The following SHANK2 variants were observed in gnomAD, a reference collection of about 807,000 sequenced individuals.
SHANK2 encodes SH3 and multiple ankyrin repeat domains protein 2.
A neutral mutation model predicts 133.7 loss-of-function variants in SHANK2; 43 were observed. The ratio of observed to expected loss-of-function variants is 0.32; its 90% CI spans 0.25 to 0.41. The LOEUF (loss-of-function observed/expected upper bound fraction) is 0.41, where lower values mean the gene tolerates loss of function less well. SHANK2 is among the 10% of genes least tolerant of loss of function. The pLI, the probability that SHANK2 is intolerant of heterozygous loss-of-function variation, is 1.00. For missense variants in SHANK2, 1,994 were observed against 2,235.8 expected (o/e 0.89, Z 2.18); for synonymous variants, 1,017 against 952.8 (o/e 1.07, Z -1.24).
chr11:70,730,927 G>A (rs1946277805), intron 14 of SHANK2, among the ~76,000 whole-genome samples: 1 of 145,740 alleles, frequency 6.9e-6, no homozygotes, highest in South Asian at 2.1e-4. Flanking sequence ...CCACAATGCT[G>A]TGCAACCAGC....
Position 71,167,882 on chromosome 11 carries a change from G to A in SHANK2, c.-12-20544C>T, listed in dbSNP as rs566898251. ...CCAGTAGGGGCGGCCGGGCAGAGGCGCCCCTCACCTCCCGGACAGGGCGGC... is the reference window on the plus strand; with the variant it reads ...CCAGTAGGGGCGGCCGGGCAGAGGCACCCCTCACCTCCCGGACAGGGCGGC... On this transcript the variant is annotated intron_variant, in intron 2 of 25. Transcript: ENST00000601538. Among the ~76,000 whole-genome samples, 221 of 146,912 alleles carry A rather than the reference G, an allele frequency of 1.5e-3. 1 individual carries two copies. The highest frequency in any genetic ancestry group is 3.5e-3 in the Middle Eastern group (1 of 282).
Position 70,943,032 on chromosome 11 carries a change from C to T in SHANK2, c.1108-46465G>A, listed in dbSNP as rs367616090. The stretch of plus-strand genomic sequence containing the variant: ...AATACAATACAGAAAAGGTACCCAG[C>T]AAGTACTGTGGGAATCAAAATAAAA... On this transcript the variant is annotated intron_variant, in intron 10 of 25. Coordinates refer to ENST00000601538, the MANE Select transcript of SHANK2 (RefSeq NM_012309.5). 161 of 456,208 alleles carry T rather than the reference C, an allele frequency of 3.5e-4. 1 individual carries two copies. In the East Asian group the frequency reaches 3.7e-3, roughly 10 times the overall value. 28.3% of individuals were successfully genotyped at this position (456,208 alleles called of 1,614,324 possible). A position where few individuals can be genotyped will look rare whatever the true frequency, so the allele number is the denominator to read the frequency against.
chr11:70,537,846 T>C (rs1331067237), intron 17 of SHANK2, among the ~76,000 whole-genome samples: 1 of 152,096 alleles, frequency 6.6e-6, no homozygotes, highest in Non-Finnish European at 1.5e-5. Context: ...GTAGCCGACG[T>C]CAACCCTGCA....
chr11:70,902,177 T>C lies in SHANK2; in HGVS notation c.1108-5610A>G, dbSNP rs577796553. On this transcript the variant is annotated intron_variant, in intron 10 of 25. Coordinates refer to ENST00000601538, the MANE Select transcript of SHANK2 (RefSeq NM_012309.5). Reference sequence around the variant, plus strand: ...CAGGCGGCCACCCGGGCAGTGTCACTGCACCACACTGGGCATTTGTATGAG... The same window carrying C: ...CAGGCGGCCACCCGGGCAGTGTCACCGCACCACACTGGGCATTTGTATGAG... 2.8e-3 allele frequency among the ~76,000 whole-genome samples: 430 copies of C among 152,352 alleles called. 3 individuals carry two copies. The highest frequency in any genetic ancestry group is 0.01 in the African/African-American group (421 of 41,584).
intron 14 of SHANK2, among the ~76,000 whole-genome samples, chr11:70,782,879 T>C (rs1219024971): frequency 6.6e-6 from 1 of 152,186 alleles, no homozygotes; most frequent in Non-Finnish European, 1.5e-5. Context: ...AGTAGTGAGC[T>C]GGTGACACGT....
At chr11:70,746,816 T>TG (rs11401892) in intron 14 of SHANK2, among the ~76,000 whole-genome samples, 146,877 of 151,930 alleles carry the variant, frequency 0.97, 71,026 homozygotes, top group East Asian at 1. Flanking sequence ...GCCCCCACAC[T>TG]GGGGGAGGGC....
chr11:70,840,373 G>A (rs1035491746), intron 11 of SHANK2, among the ~76,000 whole-genome samples: 12 of 152,220 alleles, frequency 7.9e-5, no homozygotes, highest in African/African-American at 2.9e-4. Context: ...CTGGCTGGGA[G>A]TCCCAGCTCC....
intron 3 of SHANK2, among the ~76,000 whole-genome samples, chr11:71,125,355 G>A (rs1449124210): frequency 6.6e-6 from 1 of 152,194 alleles, no homozygotes; most frequent in African/African-American, 2.4e-5. Context: ...AAATGTTCCT[G>A]AAGGAAATTA....
chr11:70,914,134 T>C (rs1950235103), intron 10 of SHANK2, among the ~76,000 whole-genome samples: 1 of 152,160 alleles, frequency 6.6e-6, no homozygotes, highest in Non-Finnish European at 1.5e-5. Flanking sequence ...ACACTGCCAC[T>C]GCAGCATCTT....
intron 14 of SHANK2, among the ~76,000 whole-genome samples, chr11:70,774,326 G>T (rs946306684): frequency 1.4e-5 from 2 of 145,424 alleles, no homozygotes; most frequent in Admixed American, 6.9e-5. Flanking sequence ...AGTGACTTTT[G>T]TTTTTTTTTT....
At chr11:70,501,898 T>G (rs1336982918) in intron 20 of SHANK2, 25 bp downstream of exon 20, 1 of 1,558,750 alleles carries the variant, frequency 6.4e-7, no homozygotes, top group Admixed American at 1.9e-5. Flanking sequence ...GGGAGCTGCT[T>G]TGGGGACCCA....
intron 10 of SHANK2, among the ~76,000 whole-genome samples, chr11:70,914,456 C>T (rs1950239646): frequency 6.6e-6 from 1 of 151,852 alleles, no homozygotes; most frequent in African/African-American, 2.4e-5. Flanking sequence ...AGCTTAAAAA[C>T]CCAGCCTCGC....
At position 71,119,004 on chromosome 11, in the gene SHANK2, G is replaced by A; in HGVS notation, c.236C>T (p.Thr79Ile). 1.3e-6 allele frequency: 2 copies of A among 1,551,690 alleles called. No individual in the cohort carries two copies. Among genetic ancestry groups the A allele is most frequent in the Admixed American group, 2.0e-5 (1 of 51,004 alleles). The change falls in exon 4 of 26, where the codon ACA (threonine) becomes ATA (isoleucine). Residue 79 changes from threonine to isoleucine, a missense_variant. Around this residue, in one of 5 missense-constraint regions of SHANK2, gnomAD observed 653 missense variants for 563.4 expected, o/e 1.16. Coordinates refer to ENST00000601538, the MANE Select transcript of SHANK2 (RefSeq NM_012309.5). ...TKCIRFNPDA[T>I]VWVAKQRILC... ...GATCCGCTGCTTTGCAACCCACACT[G>A]TGGCATCCGGGTTAAATCGAATGCA...
chr11:70,533,619 TG>T (rs1338429866), intron 17 of SHANK2, among the ~76,000 whole-genome samples: 1 of 152,172 alleles, frequency 6.6e-6, no homozygotes, highest in Non-Finnish European at 1.5e-5. Flanking sequence ...ATCAGCTTTT[TG>T]GGGGACATGC....
At chr11:70,905,840 T>G (rs1427597243) in intron 10 of SHANK2, among the ~76,000 whole-genome samples, 3 of 151,184 alleles carry the variant, frequency 2.0e-5, no homozygotes, top group Admixed American at 1.3e-4. Flanking sequence ...AGACGGAGTT[T>G]CGCTCTTGTC....
intron 1 of SHANK2, among the ~76,000 whole-genome samples, chr11:71,245,641 G>A (rs923426933): frequency 2.0e-5 from 3 of 152,234 alleles, no homozygotes; most frequent in Non-Finnish European, 4.4e-5. Context: ...GCCGCCAGGT[G>A]TGGATCCCAG....
At chr11:71,163,468 A>AG (rs1555110246) in intron 2 of SHANK2, among the ~76,000 whole-genome samples, 1 of 152,188 alleles carries the variant, frequency 6.6e-6, no homozygotes, top group African/African-American at 2.4e-5. Context: ...GCAGGGAGGC[A>AG]GAGCTGATGC....
chr11:70,832,449 T>C (rs1948739409), intron 11 of SHANK2, among the ~76,000 whole-genome samples: 1 of 152,198 alleles, frequency 6.6e-6, no homozygotes, highest in Middle Eastern at 3.2e-3. Context: ...CAGTCAGCCC[T>C]TGGGGCATGT....
At chr11:70,683,776 T>C (rs782115645) in intron 15 of SHANK2, among the ~76,000 whole-genome samples, 6 of 150,518 alleles carry the variant, frequency 4.0e-5, no homozygotes, top group Non-Finnish European at 8.8e-5. Context: ...TCTAGCTTCA[T>C]GATCTCCTTT....
Sources: gnomAD v4.1 joint callset for allele counts (sites outside exome capture counted in the v4.1 genomes callset) on GRCh38, gnomAD v4.1.1 for gene constraint, gnomAD v4.1.1 regional missense constraint, MANE v1.5 for transcripts, NCBI Gene and HGNC (gene_info 2026-07-23, HGNC 2026-07-21) for gene names.